The following DIP2C variants were observed in gnomAD, a reference collection of about 807,000 sequenced individuals.
The protein encoded by DIP2C is disco-interacting protein 2 homolog C.
DIP2C carries 33 observed loss-of-function variants against 192.4 expected under a neutral mutation model. The observed-to-expected ratio is 0.17, with a 90% CI of 0.13 to 0.23. The LOEUF (loss-of-function observed/expected upper bound fraction) is 0.23. Among genes scored for constraint, DIP2C ranks in the 10% least tolerant of loss-of-function variants. DIP2C has a pLI of 1.00. For missense variants in DIP2C, 1,537 were observed against 2,110.1 expected, an observed-to-expected ratio of 0.73 and a Z score of 5.32; for synonymous variants, 979 against 864.1, an observed-to-expected ratio of 1.13 and a Z score of -2.33.
intron 3 of DIP2C, among the ~76,000 whole-genome samples, chr10:442,708 C>T (rs577745037): frequency 6.6e-6 from 1 of 152,318 alleles, no homozygotes; most frequent in African/African-American, 2.4e-5. Context: ...CTATATTCCT[C>T]TATACCTAAA....
At chr10:650,515 C>T in intron 1 of DIP2C, 2 of 686,642 alleles carry the variant, frequency 2.9e-6, no homozygotes, top group East Asian at 5.4e-5. Context: ...TCTTCCCCTG[C>T]CCCAGCTGGT....
intron 2 of DIP2C, among the ~76,000 whole-genome samples, chr10:478,679 C>G (rs190143724): frequency 6.6e-6 from 1 of 151,392 alleles, no homozygotes; most frequent in African/African-American, 2.4e-5. Context: ...TAGACACATC[C>G]AAGTTCCCGT....
intron 1 of DIP2C, among the ~76,000 whole-genome samples, chr10:618,111 A>G (rs1853595421): frequency 1.3e-5 from 2 of 152,230 alleles, no homozygotes; most frequent in African/African-American, 4.8e-5. Flanking sequence ...AAAATGCTAA[A>G]AACCCTCAAG....
At chr10:501,505 G>A (rs1311931277) in intron 1 of DIP2C, among the ~76,000 whole-genome samples, 2 of 151,966 alleles carry the variant, frequency 1.3e-5, no homozygotes, top group East Asian at 1.9e-4. Context: ...AAACACATGC[G>A]TTGATACCAT....
Position 317,964 on chromosome 10 carries a change from G to A in DIP2C, c.3925-7872C>T, listed in dbSNP as rs542059372. Among the ~76,000 whole-genome samples, 11 of 152,316 alleles carry A rather than the reference G, an allele frequency of 7.2e-5. 1 individual carries two copies. The East Asian group carries it at 2.1e-3, about 29-fold the overall frequency. ...TGGAACCAGAGAAAGAGGAGGCATC[G>A]CCTAGGAAGTCGTGGGTTTGATGAC... On this transcript the variant is annotated intron_variant, in intron 31 of 36. Coordinates refer to ENST00000280886, the MANE Select transcript of DIP2C (RefSeq NM_014974.3).
At chr10:421,914 G>A (rs1190953945) in intron 5 of DIP2C, among the ~76,000 whole-genome samples, 1 of 152,194 alleles carries the variant, frequency 6.6e-6, no homozygotes. Context: ...AAGGGGCTGA[G>A]ACCCAAGTCA....
At chr10:336,921 TTGTGGAGGCCTAGACTG>T (rs1285329087) in intron 29 of DIP2C, among the ~76,000 whole-genome samples, 20 of 50,006 alleles carry the variant, frequency 4.0e-4, no homozygotes, top group Admixed American at 1.3e-3. Context: ...TGTGTGTGTG[TTGTGGAGGCCTAGACTG>T]GTGTGTGCGC....
At chr10:491,949 C>G (rs1016295698) in intron 1 of DIP2C, among the ~76,000 whole-genome samples, 3 of 152,036 alleles carry the variant, frequency 2.0e-5, no homozygotes, top group African/African-American at 7.2e-5. Flanking sequence ...AATCCTGACC[C>G]CAGAAAACAG....
chr10:499,335 G>A (rs1564792018), intron 1 of DIP2C, among the ~76,000 whole-genome samples: 1 of 151,966 alleles, frequency 6.6e-6, no homozygotes, highest in Non-Finnish European at 1.5e-5. Context: ...CCCCCTCTGT[G>A]GACCGCTGGG....
At chr10:630,394 G>A (rs1854449986) in intron 1 of DIP2C, 1 of 152,196 alleles carries the variant, frequency 6.6e-6, no homozygotes, top group Non-Finnish European at 1.5e-5. Context: ...TTAACCAAAT[G>A]AAAGGTTAAT....
chr10:324,378 T>G (rs573953500), intron 31 of DIP2C, among the ~76,000 whole-genome samples: 1 of 152,312 alleles, frequency 6.6e-6, no homozygotes, highest in Admixed American at 6.5e-5. Context: ...ACATCACCTC[T>G]CACAAAGCCA....
chr10:425,766 ATTATGG>A (rs1404761592), intron 4 of DIP2C, among the ~76,000 whole-genome samples: 2 of 152,254 alleles, frequency 1.3e-5, no homozygotes, highest in African/African-American at 4.8e-5. Context: ...ACCATATAGA[ATTATGG>A]GAGTAGAACC....
At chr10:526,075 C>T (rs373062658) in intron 1 of DIP2C, among the ~76,000 whole-genome samples, 26 of 152,202 alleles carry the variant, frequency 1.7e-4, no homozygotes, top group African/African-American at 2.4e-4. Context: ...CACTCACCAT[C>T]GGTCCCAAGT....
intron 32 of DIP2C, among the ~76,000 whole-genome samples, chr10:300,811 G>T (rs1320859750): frequency 2.0e-5 from 3 of 148,918 alleles, no homozygotes; most frequent in Non-Finnish European, 3.0e-5. Context: ...CCCAGGGGCG[G>T]CCCTGAGCGT....
intron 1 of DIP2C, among the ~76,000 whole-genome samples, chr10:507,077 G>A (rs1199720001): frequency 6.6e-6 from 1 of 152,084 alleles, no homozygotes; most frequent in Non-Finnish European, 1.5e-5. Flanking sequence ...TGAGGTCACA[G>A]ACCCGGTCAC....
At chr10:615,254 G>A (rs1419508695) in intron 1 of DIP2C, among the ~76,000 whole-genome samples, 1 of 152,166 alleles carries the variant, frequency 6.6e-6, no homozygotes, top group Non-Finnish European at 1.5e-5. Flanking sequence ...TTCCCTGTAG[G>A]AAAATCATTT....
chr10:314,162 A>C (rs1464726547), intron 31 of DIP2C, among the ~76,000 whole-genome samples: 1 of 152,216 alleles, frequency 6.6e-6, no homozygotes, highest in Non-Finnish European at 1.5e-5. Flanking sequence ...AAGAATTTTT[A>C]TATTTGCATT....
intron 1 of DIP2C, among the ~76,000 whole-genome samples, chr10:525,513 A>C (rs1846997721): frequency 6.6e-6 from 1 of 152,228 alleles, no homozygotes; most frequent in East Asian, 1.9e-4. Flanking sequence ...GTTTGAGGAA[A>C]AGTCTTTCTA....
chr10:558,589 C>A (rs1849032891), intron 1 of DIP2C, among the ~76,000 whole-genome samples: 1 of 151,922 alleles, frequency 6.6e-6, no homozygotes, highest in Non-Finnish European at 1.5e-5. Flanking sequence ...AGTGCGGGGG[C>A]CCACCATCGC....
Sources: allele counts gnomAD v4.1 joint callset (sites outside exome capture counted in the v4.1 genomes callset), GRCh38; gene constraint gnomAD v4.1.1; transcripts MANE v1.5; gene names NCBI Gene and HGNC (gene_info 2026-07-23, HGNC 2026-07-21).